The following THSD7A variants were observed in gnomAD, a reference collection of about 807,000 sequenced individuals.
The protein encoded by THSD7A is thrombospondin type 1 domain containing 7A.
Under a neutral mutation model 231.3 loss-of-function variants are expected in THSD7A, and 96 were observed. The observed-to-expected ratio is 0.41, with a 90% CI of 0.35 to 0.49. THSD7A has a LOEUF of 0.49. Among genes scored for constraint, THSD7A ranks in the 20% least tolerant of loss-of-function variants. The pLI, the probability that THSD7A is intolerant of heterozygous loss-of-function variation, is 0.05. For synonymous variants in THSD7A, 940 were observed against 743.3 expected (o/e 1.26, Z -4.30); for missense variants, 2,290 against 2,070.2 (o/e 1.11, Z -2.06).
rs1784887291 is a variant in THSD7A at position 11,444,104 on chromosome 7, C to A, written c.3064+1957G>T. ...GCAAATCAAAACCACAGTGAGATACCACCTCACACCAGTTAGAATGGTGAT... is the reference window on the plus strand; with the variant it reads ...GCAAATCAAAACCACAGTGAGATACAACCTCACACCAGTTAGAATGGTGAT... On this transcript the variant is annotated intron_variant, in intron 13 of 27. Coordinates refer to ENST00000423059, the MANE Select transcript of THSD7A (RefSeq NM_015204.3). The surrounding 1 kb of genome is among the most constrained non-coding windows in gnomAD (Gnocchi z 4.2). Among the ~76,000 whole-genome samples, 1 of 152,014 alleles carries A rather than the reference C, an allele frequency of 6.6e-6. No homozygotes were observed. The highest frequency in any genetic ancestry group is 1.5e-5 in the Non-Finnish European group (1 of 67,982).
At chr7:11,607,447 T>G (rs1325245843) in intron 2 of THSD7A, among the ~76,000 whole-genome samples, 12 of 152,162 alleles carry the variant, frequency 7.9e-5, no homozygotes, top group Admixed American at 7.9e-4. Flanking sequence ...AAAAGATCAG[T>G]AATGCCCCTT....
intron 3 of THSD7A, 130 bp downstream of exon 3, chr7:11,593,124 T>A: frequency 2.3e-6 from 3 of 1,309,538 alleles, no homozygotes; most frequent in African/African-American, 3.0e-5. Flanking sequence ...AAGTTTTTTT[T>A]AAGGATACTG....
At chr7:11,739,621 G>T (rs750817895) in intron 1 of THSD7A, among the ~76,000 whole-genome samples, 3 of 151,192 alleles carry the variant, frequency 2.0e-5, no homozygotes, top group Non-Finnish European at 4.4e-5. Flanking sequence ...GTCTCACTAT[G>T]TTCCCAGGCT....
intron 1 of THSD7A, among the ~76,000 whole-genome samples, chr7:11,660,017 T>C (rs557101580): frequency 1.3e-5 from 2 of 151,598 alleles, no homozygotes; most frequent in South Asian, 4.1e-4. Context: ...TACATGTGTA[T>C]TAAAAATTTA....
At chr7:11,527,717 C>T (rs1317929637) in intron 6 of THSD7A, among the ~76,000 whole-genome samples, 2 of 152,134 alleles carry the variant, frequency 1.3e-5, no homozygotes, top group Non-Finnish European at 2.9e-5. Flanking sequence ...ATTTTGGATA[C>T]ATCTGTGAGT....
At position 11,444,726 on chromosome 7, in the gene THSD7A, T is replaced by C. The variant is rs1784907742; in HGVS notation, c.3064+1335A>G. ...GTTGCAAACCTGCACTTTCTGTACA[T>C]GTATCCCAGAACTTAAAGTATAACA... is the stretch of plus-strand genomic sequence containing the variant. On this transcript the variant is annotated intron_variant, in intron 13 of 27. Transcript: ENST00000423059. The surrounding 1 kb of genome is among the most constrained non-coding windows in gnomAD (Gnocchi z 4.2). 6.6e-6 allele frequency among the ~76,000 whole-genome samples: 1 copy of C among 151,382 alleles called. No homozygotes were observed. The highest frequency in any genetic ancestry group is 2.1e-4 in the South Asian group (1 of 4,790).
intron 6 of THSD7A, among the ~76,000 whole-genome samples, chr7:11,483,061 T>G (rs574350986): frequency 2.0e-5 from 3 of 152,246 alleles, no homozygotes; most frequent in African/African-American, 7.2e-5. Flanking sequence ...AATATAATCA[T>G]AATTCTGGGT....
chr7:11,435,552 C>T (rs535057351), intron 13 of THSD7A, among the ~76,000 whole-genome samples: 2 of 152,170 alleles, frequency 1.3e-5, no homozygotes, highest in African/African-American at 4.8e-5. Context: ...ACTCTGGATA[C>T]CAAAGCTCAG....
intron 6 of THSD7A, among the ~76,000 whole-genome samples, chr7:11,499,675 A>T (rs2128309821): frequency 6.6e-6 from 1 of 152,374 alleles, no homozygotes; most frequent in Non-Finnish European, 1.5e-5. Flanking sequence ...CAATGCAATC[A>T]CAAGTATTAA....
chr7:11,757,887 C>T (rs1782734772), intron 1 of THSD7A, among the ~76,000 whole-genome samples: 1 of 151,058 alleles, frequency 6.6e-6, no homozygotes, highest in African/African-American at 2.4e-5. Context: ...ATGACTGGAA[C>T]ATAGGCTTAA....
At chr7:11,764,608 A>G (rs1782976019) in intron 1 of THSD7A, among the ~76,000 whole-genome samples, 1 of 151,686 alleles carries the variant, frequency 6.6e-6, no homozygotes, top group Non-Finnish European at 1.5e-5. Context: ...TGAGAATGAA[A>G]CTACAATTAC....
intron 19 of THSD7A, among the ~76,000 whole-genome samples, chr7:11,408,384 G>A (rs1158178801): frequency 6.6e-6 from 1 of 151,946 alleles, no homozygotes; most frequent in East Asian, 1.9e-4. Flanking sequence ...TGTAGTCCCA[G>A]CTACTTGGGA....
intron 7 of THSD7A, among the ~76,000 whole-genome samples, chr7:11,479,003 C>A (rs933932396): frequency 1.3e-5 from 2 of 152,114 alleles, no homozygotes; most frequent in African/African-American, 4.8e-5. Flanking sequence ...TGCTTAAAAT[C>A]GACAGATAGA....
At chr7:11,575,822 G>C (rs12699245) in intron 4 of THSD7A, among the ~76,000 whole-genome samples, 29,176 of 152,138 alleles carry the variant, frequency 0.19, 2,911 homozygotes, top group East Asian at 0.24. Flanking sequence ...CTATGTATAA[G>C]AAAATTGCTT....
chr7:11,763,747 T>C (rs1782938563), intron 1 of THSD7A, among the ~76,000 whole-genome samples: 1 of 152,158 alleles, frequency 6.6e-6, no homozygotes, highest in South Asian at 2.1e-4. Context: ...TTAAATACGG[T>C]TCCTGCCTTT....
chr7:11,702,059 T>C (rs1334369191), intron 1 of THSD7A, among the ~76,000 whole-genome samples: 1 of 151,262 alleles, frequency 6.6e-6, no homozygotes, highest in Non-Finnish European at 1.5e-5. Flanking sequence ...TCTTAGTCTA[T>C]CTTCTACTTC....
chr7:11,769,121 CAATATATATATATATATATA>C lies in THSD7A; in HGVS notation c.190+62616_190+62635del, dbSNP rs1783125568. 3.9e-4 allele frequency among the ~76,000 whole-genome samples: 22 copies of C among 55,966 alleles called. 1 individual carries two copies. Among genetic ancestry groups the C allele is most frequent in the Non-Finnish European group, 5.2e-4 (15 of 29,052 alleles). The allele number at this position is 55,966 out of a possible 152,430, so 36.7% of individuals were successfully genotyped here. A position where few individuals can be genotyped will look rare whatever the true frequency, so the allele number is the denominator to read the frequency against. ...TACAGGCACCTGCCATAATTCCTGG[CAATATATATATATATATATA>C]TATATATATATATTTTTTTTTTTTT... On this transcript the variant is annotated intron_variant, in intron 1 of 27. Transcript: ENST00000423059.
At chr7:11,418,390 A>G (rs566819205) in intron 16 of THSD7A, among the ~76,000 whole-genome samples, 1 of 152,148 alleles carries the variant, frequency 6.6e-6, no homozygotes, top group East Asian at 1.9e-4. Flanking sequence ...GGCTACTATC[A>G]GACTTCACTT....
At chr7:11,558,631 G>T (rs564047961) in intron 4 of THSD7A, among the ~76,000 whole-genome samples, 6 of 152,208 alleles carry the variant, frequency 3.9e-5, no homozygotes, top group Non-Finnish European at 8.8e-5. Context: ...AATTTCTAAA[G>T]AACTTATGTC....
Sources: gnomAD v4.1 joint callset for allele counts (sites outside exome capture counted in the v4.1 genomes callset) on GRCh38, gnomAD v4.1.1 for gene constraint, Gnocchi (gnomAD v3.1) non-coding constraint, MANE v1.5 for transcripts, NCBI Gene and HGNC (gene_info 2026-07-23, HGNC 2026-07-21) for gene names.